The following DLGAP2 variants were observed in gnomAD, a reference collection of about 807,000 sequenced individuals.
DLGAP2 encodes the protein disks large-associated protein 2.
Under a neutral mutation model 100.3 loss-of-function variants are expected in DLGAP2, and 26 were observed. The observed-to-expected ratio is 0.26, with a 90% confidence interval of 0.19 to 0.36. The LOEUF (loss-of-function observed/expected upper bound fraction) is 0.36. Ranked by LOEUF, DLGAP2 falls within the 10% of genes least tolerant of loss-of-function variation. The pLI is 1.00. For synonymous variants in DLGAP2, 886 were observed against 630.1 expected, an observed-to-expected ratio of 1.41 and a Z score of -6.08; for missense variants, 1,858 against 1,453.2, an observed-to-expected ratio of 1.28 and a Z score of -4.53.
At chr8:1,144,302 A>G (rs1468357040) in intron 2 of DLGAP2, among the ~76,000 whole-genome samples, 1 of 152,244 alleles carries the variant, frequency 6.6e-6, no homozygotes, top group East Asian at 1.9e-4. Context: ...ATTAAAGAGA[A>G]AAACAAATCA....
intron 2 of DLGAP2, among the ~76,000 whole-genome samples, chr8:964,719 G>A (rs952818663): frequency 1.2e-4 from 19 of 152,184 alleles, no homozygotes; most frequent in Admixed American, 4.6e-4. Flanking sequence ...CCAGGCCTTT[G>A]GACATTTGCT....
At chr8:1,252,625 C>T (rs1799071995) in intron 2 of DLGAP2, among the ~76,000 whole-genome samples, 3 of 152,288 alleles carry the variant, frequency 2.0e-5, no homozygotes, top group South Asian at 2.1e-4. Flanking sequence ...AGTGCCTATT[C>T]ACATATTCTT....
At chr8:954,188 G>A (rs1799545513) in intron 2 of DLGAP2, among the ~76,000 whole-genome samples, 1 of 152,192 alleles carries the variant, frequency 6.6e-6, no homozygotes, top group African/African-American at 2.4e-5. Flanking sequence ...CATTTTTAAA[G>A]TTACCAGTTT....
chr8:1,206,508 G>A (rs1357311547), intron 2 of DLGAP2, among the ~76,000 whole-genome samples: 462 of 151,442 alleles, frequency 3.1e-3, no homozygotes, highest in Middle Eastern at 0.01. Flanking sequence ...ACTGTGAGCG[G>A]TTAATCTCCA....
chr8:1,346,743 C>T (rs1801568464), intron 3 of DLGAP2, among the ~76,000 whole-genome samples: 1 of 141,914 alleles, frequency 7.0e-6, no homozygotes, highest in African/African-American at 2.7e-5. Flanking sequence ...CTGAATTGCA[C>T]TCACGGTAGC....
chr8:1,510,505 G>A (rs1016935836), intron 4 of DLGAP2, among the ~76,000 whole-genome samples: 3 of 152,236 alleles, frequency 2.0e-5, no homozygotes, highest in Non-Finnish European at 4.4e-5. Context: ...CAGGTCCAAG[G>A]GTTGAACACG....
intron 2 of DLGAP2, among the ~76,000 whole-genome samples, chr8:1,182,127 C>G (rs1451346247): frequency 1.3e-5 from 2 of 152,260 alleles, no homozygotes; most frequent in South Asian, 2.1e-4. Context: ...CCTCCGTGTT[C>G]TGTTCCTGAG....
intron 2 of DLGAP2, among the ~76,000 whole-genome samples, chr8:1,147,538 CTT>C (rs66900715): frequency 0.4 from 58,262 of 144,154 alleles, 12,591 homozygotes; most frequent in Non-Finnish European, 0.51. Context: ...ATACCTTCTT[CTT>C]TTTTTTTTTT....
chr8:1,347,281 C>T (rs1023859673), intron 3 of DLGAP2, among the ~76,000 whole-genome samples: 1 of 151,848 alleles, frequency 6.6e-6, no homozygotes, highest in African/African-American at 2.4e-5. Flanking sequence ...CTACACTGCA[C>T]TCACGGTAGC....
intron 4 of DLGAP2, among the ~76,000 whole-genome samples, chr8:1,526,425 C>A (rs563606232): frequency 6.6e-6 from 1 of 152,026 alleles, no homozygotes; most frequent in Admixed American, 6.6e-5. Context: ...AGTGGTGGAG[C>A]TGGATTTAGA....
chr8:1,467,629 G>C (rs1451375653), intron 3 of DLGAP2, among the ~76,000 whole-genome samples: 1 of 152,154 alleles, frequency 6.6e-6, no homozygotes, highest in Admixed American at 6.5e-5. Flanking sequence ...TGGACAGACT[G>C]CCCTGCCCAC....
intron 4 of DLGAP2, among the ~76,000 whole-genome samples, chr8:1,511,854 A>G (rs1800175788): frequency 6.6e-6 from 1 of 152,260 alleles, no homozygotes; most frequent in Non-Finnish European, 1.5e-5. Context: ...TCACATGAGC[A>G]AAGGTGAACC....
At chr8:1,541,020 A>G (rs545830839) in intron 4 of DLGAP2, among the ~76,000 whole-genome samples, 1 of 151,472 alleles carries the variant, frequency 6.6e-6, no homozygotes, top group Non-Finnish European at 1.5e-5. Context: ...GATTTTCTAC[A>G]GAGCCCAGGA....
intron 2 of DLGAP2, among the ~76,000 whole-genome samples, chr8:1,190,832 C>T (rs531656431): frequency 6.6e-6 from 1 of 151,870 alleles, no homozygotes; most frequent in Non-Finnish European, 1.5e-5. Flanking sequence ...GACCCAAGAC[C>T]AGAGCCCAGG....
chr8:1,373,882 T>C (rs532357722), intron 3 of DLGAP2: 1 of 152,470 alleles, frequency 6.6e-6, no homozygotes, highest in African/African-American at 2.4e-5. Flanking sequence ...CCACAGTACA[T>C]GAAGCGCGGT....
At position 1,272,151 on chromosome 8, in the gene DLGAP2, A is replaced by C. The variant is rs150639289; in HGVS notation, c.106+13268A>C. On this transcript the variant is annotated intron_variant, in intron 3 of 14. Coordinates refer to ENST00000637795, the MANE Select transcript of DLGAP2 (RefSeq NM_001346810.2). Reference sequence around the variant, plus strand: ...TCATTATTCTCCGTTTTCTCAAATAAAAAATAAGAAAGTTGATGTAATCAC... The same window carrying C: ...TCATTATTCTCCGTTTTCTCAAATACAAAATAAGAAAGTTGATGTAATCAC... Among the ~76,000 whole-genome samples, 545 of 152,318 alleles carry C rather than the reference A, an allele frequency of 3.6e-3. 3 individuals are homozygous for C. The highest frequency in any genetic ancestry group is 0.012 in the African/African-American group (510 of 41,576).
intron 3 of DLGAP2, among the ~76,000 whole-genome samples, chr8:1,265,080 T>C (rs1799425523): frequency 6.6e-6 from 1 of 152,096 alleles, no homozygotes. Context: ...CAGTCTCGAG[T>C]ATTTCTTCAT....
chr8:789,839 A>G (rs1821980150), intron 1 of DLGAP2, among the ~76,000 whole-genome samples: 1 of 152,198 alleles, frequency 6.6e-6, no homozygotes, highest in Non-Finnish European at 1.5e-5. Flanking sequence ...GTTAGTGTGG[A>G]CCTGGACAAG....
At chr8:1,482,945 A>G (rs1799136238) in intron 3 of DLGAP2, among the ~76,000 whole-genome samples, 1 of 152,236 alleles carries the variant, frequency 6.6e-6, no homozygotes, top group South Asian at 2.1e-4. Context: ...TGGAGCATTT[A>G]GCCCTCCCAC....
Sources: gnomAD v4.1 joint callset for allele counts (sites outside exome capture counted in the v4.1 genomes callset) on GRCh38, gnomAD v4.1.1 for gene constraint, MANE v1.5 for transcripts, NCBI Gene and HGNC (gene_info 2026-07-23, HGNC 2026-07-21) for gene names.